Variants in PPFIBP1 observed in about 807,000 individuals in gnomAD.
The protein encoded by PPFIBP1 is liprin-beta-1.
Under a neutral mutation model 137.8 loss-of-function variants are expected in PPFIBP1, and 112 were observed. That is an observed-to-expected ratio of 0.81 (90% confidence interval 0.70 to 0.95). The LOEUF (loss-of-function observed/expected upper bound fraction) is 0.95. PPFIBP1 is among the 40% of genes least tolerant of loss of function. PPFIBP1 has a pLI of 0.00. For missense variants in PPFIBP1, 1,083 were observed against 1,196.6 expected, an observed-to-expected ratio of 0.91 and a Z score of 1.40; for synonymous variants, 378 against 417.3, an observed-to-expected ratio of 0.91 and a Z score of 1.15.
In PPFIBP1 at chr12:27,563,899, GTCTC is replaced by G. The variant is rs1179029648; in HGVS notation, c.-123-14247_-123-14244del. 4.0e-5 allele frequency among the ~76,000 whole-genome samples: 6 copies of G among 149,928 alleles called. No individual in the cohort carries two copies. In the East Asian group the frequency reaches 9.8e-4, roughly 24 times the overall value. On this transcript the variant is annotated intron_variant, in intron 1 of 29. Transcript: ENST00000228425. Reference sequence around the variant, plus strand: ...TTTTTTTTTTCTTTTTTGAGACGGAGTCTCTCTCTGTCACCCAGGCTGGAGTGCA... The same window carrying G: ...TTTTTTTTTTCTTTTTTGAGACGGAGTCTCTGTCACCCAGGCTGGAGTGCA...
chr12:27,603,132 G>C (rs2054171241), intron 2 of PPFIBP1, among the ~76,000 whole-genome samples: 1 of 152,126 alleles, frequency 6.6e-6, no homozygotes, highest in African/African-American at 2.4e-5. Flanking sequence ...CTCTCTGTTG[G>C]AATATTTTCT....
At position 27,676,811 on chromosome 12, in the gene PPFIBP1, A is replaced by G. The variant is rs974602881; in HGVS notation, c.1582+212A>G. 1.0e-4 allele frequency: 72 copies of G among 711,718 alleles called. No individual in the cohort carries two copies. The Admixed American group carries it at 1.5e-3, about 15-fold the overall frequency. 44.1% of individuals were successfully genotyped at this position (711,718 alleles called of 1,614,324 possible). ...CTCTCACCCTGCTCTCTCCTGTGGT[A>G]TAAACTTAGCGGAAAGACCTAAAAT... On this transcript the variant is annotated intron_variant, in intron 18 of 29. Coordinates refer to ENST00000228425, the MANE Select transcript of PPFIBP1 (RefSeq NM_003622.4).
At chr12:27,635,508 A>G (rs998703716) in intron 4 of PPFIBP1, 2 of 262,956 alleles carry the variant, frequency 7.6e-6, no homozygotes, top group African/African-American at 4.4e-5. Flanking sequence ...GCATGATGAA[A>G]GACTTTCAAA....
intron 2 of PPFIBP1, among the ~76,000 whole-genome samples, chr12:27,589,654 A>T (rs2052236621): frequency 6.6e-6 from 1 of 152,250 alleles, no homozygotes; most frequent in South Asian, 2.1e-4. Context: ...ATGAATAAAC[A>T]CAAGTATGTC....
intron 27 of PPFIBP1, among the ~76,000 whole-genome samples, chr12:27,690,153 T>A (rs35223536): frequency 3.2e-3 from 483 of 151,662 alleles, no homozygotes; most frequent in African/African-American, 0.011. Flanking sequence ...GAGTTTGAAT[T>A]ACACAGGTCC....
intron 2 of PPFIBP1, among the ~76,000 whole-genome samples, chr12:27,585,670 C>T (rs2051654598): frequency 6.6e-6 from 1 of 152,070 alleles, no homozygotes; most frequent in Non-Finnish European, 1.5e-5. Context: ...ACACTAACTA[C>T]GGGTAAAAGT....
intron 14 of PPFIBP1, 22 bp downstream of exon 14, chr12:27,671,568 C>T: frequency 7.1e-7 from 1 of 1,407,528 alleles, no homozygotes; most frequent in Non-Finnish European, 9.8e-7. Flanking sequence ...ATTAACAGTG[C>T]AATATAAATG....
chr12:27,691,752 A>C lies in PPFIBP1; in HGVS notation c.2689A>C (p.Lys897Gln). The change falls in exon 28 of 30, where the codon AAG becomes CAG. Residue 897 changes from lysine to glutamine, a missense_variant. By Grantham distance (53) the Lys-to-Gln change is moderately conservative (BLOSUM62 1). Transcript: ENST00000228425. ...TTTGTTTGCTTTTCTTTTAAAGCCA[A>C]AGAAACTTGCCTTTAGCAATTTTGG... ...LLTATAKVKP[K>Q]KLAFSNFGNL... The C allele has an allele frequency of 1.9e-6, 3 of 1,607,536 alleles. No homozygotes were observed. Among genetic ancestry groups the C allele is most frequent in the Non-Finnish European group, 2.5e-6 (3 of 1,176,996 alleles).
At chr12:27,560,159 A>G (rs998490914) in intron 1 of PPFIBP1, among the ~76,000 whole-genome samples, 2 of 152,256 alleles carry the variant, frequency 1.3e-5, no homozygotes, top group Non-Finnish European at 2.9e-5. Context: ...TGAAATGCCA[A>G]GGTTTTCCCC....
rs2060526528 is a variant in PPFIBP1, at chr12:27,676,611, CA to C, written c.1582+16del. The C allele has an allele frequency of 1.3e-6, 2 of 1,545,824 alleles. No homozygotes were observed. Among genetic ancestry groups the C allele is most frequent in the East Asian group, 4.6e-5 (2 of 43,830 alleles). The stretch of plus-strand genomic sequence containing the variant: ...TGCACCAAACTTAGGTACGTATGAC[CA>C]AAATGCCTTTGCCCTAATTCTTCCA... On this transcript the variant is annotated intron_variant, in intron 18 of 29. Coordinates refer to ENST00000228425, the MANE Select transcript of PPFIBP1 (RefSeq NM_003622.4).
chr12:27,546,884 C>T (rs892052604), intron 1 of PPFIBP1, among the ~76,000 whole-genome samples: 1 of 152,018 alleles, frequency 6.6e-6, no homozygotes, highest in Admixed American at 6.6e-5. Flanking sequence ...GCATGGTTGT[C>T]CCAGCTACCA....
chr12:27,594,453 C>A (rs1251889471), intron 2 of PPFIBP1, among the ~76,000 whole-genome samples: 2 of 152,158 alleles, frequency 1.3e-5, no homozygotes, highest in African/African-American at 2.4e-5. Flanking sequence ...GCTGGGATTA[C>A]AGGAATGAGC....
chr12:27,625,181 T>C (rs1355427151), intron 2 of PPFIBP1, among the ~76,000 whole-genome samples: 1 of 152,046 alleles, frequency 6.6e-6, no homozygotes, highest in Non-Finnish European at 1.5e-5. Flanking sequence ...CCCAGAGAGG[T>C]TGAGGCTGCA....
At chr12:27,671,988 A>G (rs1179584911) in intron 14 of PPFIBP1, among the ~76,000 whole-genome samples, 4 of 152,156 alleles carry the variant, frequency 2.6e-5, no homozygotes, top group African/African-American at 7.2e-5. Flanking sequence ...CAGGAATCAC[A>G]TAAGCCCAGG....
chr12:27,625,486 C>T (rs1471462171), intron 2 of PPFIBP1, among the ~76,000 whole-genome samples: 1 of 151,604 alleles, frequency 6.6e-6, no homozygotes, highest in Non-Finnish European at 1.5e-5. Flanking sequence ...TTATTAATAA[C>T]CTTAGAATGA....
At chr12:27,673,662 C>A in intron 15 of PPFIBP1, 105 bp from the exon 16 acceptor site, 1 of 885,416 alleles carries the variant, frequency 1.1e-6, no homozygotes, top group Non-Finnish European at 1.8e-6. Flanking sequence ...CTTTTATTGC[C>A]AGGATTCAAC....
intron 1 of PPFIBP1, among the ~76,000 whole-genome samples, chr12:27,525,342 TTTTG>T (rs1438565616): frequency 1.3e-5 from 2 of 151,964 alleles, no homozygotes; most frequent in Admixed American, 6.6e-5. Flanking sequence ...GAATTCTGAT[TTTTG>T]TTTATTTCCT....
At chr12:27,692,508 CT>C in intron 28 of PPFIBP1, 82 bp from the exon 29 acceptor site, 1 of 1,287,818 alleles carries the variant, frequency 7.8e-7, no homozygotes, top group Non-Finnish European at 1.1e-6. Context: ...TGCATTATTT[CT>C]TCTTAGACTT....
At chr12:27,673,138 A>C (rs968273556) in intron 15 of PPFIBP1, among the ~76,000 whole-genome samples, 1 of 152,206 alleles carries the variant, frequency 6.6e-6, no homozygotes, top group Non-Finnish European at 1.5e-5. Flanking sequence ...TAAACTGGTC[A>C]CATATCTCTA....
Sources: allele counts gnomAD v4.1 joint callset (sites outside exome capture counted in the v4.1 genomes callset), GRCh38; gene constraint gnomAD v4.1.1; transcripts MANE v1.5; gene names NCBI Gene and HGNC (gene_info 2026-07-23, HGNC 2026-07-21).